Variants in STXBP5L observed in about 807,000 individuals in gnomAD.
STXBP5L encodes syntaxin-binding protein 5-like.
STXBP5L carries 65 observed loss-of-function variants against 144.5 expected under a neutral mutation model. The observed-to-expected ratio is 0.45, with a 90% CI of 0.37 to 0.55. The LOEUF is 0.55. STXBP5L is among the 20% of genes least tolerant of loss of function. STXBP5L has a pLI of 0.00. For missense variants in STXBP5L, 1,298 were observed against 1,405.5 expected (o/e 0.92, Z 1.22); for synonymous variants, 505 against 469.6 (o/e 1.08, Z -0.97).
At chr3:120,916,419 G>A (rs1709103896) in intron 2 of STXBP5L, among the ~76,000 whole-genome samples, 2 of 152,014 alleles carry the variant, frequency 1.3e-5, no homozygotes, top group Non-Finnish European at 2.9e-5. Context: ...TCCTGCCTCA[G>A]CTTCCCAAGT....
chr3:120,983,192 G>C (rs968192536), intron 3 of STXBP5L, among the ~76,000 whole-genome samples: 1 of 152,160 alleles, frequency 6.6e-6, no homozygotes, highest in African/African-American at 2.4e-5. Context: ...AGGAGTCTAA[G>C]GGCAGAACAC....
chr3:121,091,309 G>T (rs1371045532), intron 5 of STXBP5L, among the ~76,000 whole-genome samples: 8 of 147,466 alleles, frequency 5.4e-5, no homozygotes, highest in African/African-American at 1.8e-4. Flanking sequence ...TGGGATGGCT[G>T]GGTCAAATGG....
chr3:121,131,981 C>T (rs2045011122), intron 7 of STXBP5L, among the ~76,000 whole-genome samples: 1 of 152,122 alleles, frequency 6.6e-6, no homozygotes, highest in Non-Finnish European at 1.5e-5. Flanking sequence ...GCCATATGGT[C>T]AAGGAGAGAT....
rs1263823591 is a variant in STXBP5L at position 120,909,767 on chromosome 3, G to A, written c.189G>A (p.Lys63=). The change falls in exon 2 of 27, where the codon AAG becomes AAA. Residue 63 remains lysine, a splice_region_variant and synonymous_variant. Coordinates refer to ENST00000471454, the MANE Select transcript of STXBP5L (RefSeq NM_001308330.2). ...CTTCGGAGTATTTCCAGATTTGCAAGGTAAGTTTTGAATTGGCTTAAAGCC... is the reference window on the plus strand; with the variant it reads ...CTTCGGAGTATTTCCAGATTTGCAAAGTAAGTTTTGAATTGGCTTAAAGCC... The part of the protein sequence containing the change: ...TLTSEYFQIC[K]TVRHGFPHQP... 2 of 1,610,500 alleles carry A rather than the reference G, an allele frequency of 1.2e-6. No homozygotes were observed. Among genetic ancestry groups the A allele is most frequent in the African/African-American group, 1.3e-5 (1 of 74,518 alleles).
intron 3 of STXBP5L, among the ~76,000 whole-genome samples, chr3:120,995,901 C>T (rs1307070393): frequency 6.6e-6 from 1 of 152,092 alleles, no homozygotes; most frequent in Non-Finnish European, 1.5e-5. Context: ...CATTTCCTTT[C>T]TGCTGGGGAA....
At chr3:121,252,816 G>A (rs2050069570) in intron 15 of STXBP5L, among the ~76,000 whole-genome samples, 1 of 152,084 alleles carries the variant, frequency 6.6e-6, no homozygotes, top group Non-Finnish European at 1.5e-5. Context: ...CTTTGCTCAG[G>A]GTGTCACAAG....
chr3:121,127,086 A>G (rs2044740723), intron 7 of STXBP5L, among the ~76,000 whole-genome samples: 1 of 151,942 alleles, frequency 6.6e-6, no homozygotes, highest in Non-Finnish European at 1.5e-5. Flanking sequence ...TTCCTACATC[A>G]TCTCAGAACA....
chr3:121,206,861 T>A (rs760389479), intron 10 of STXBP5L, among the ~76,000 whole-genome samples: 9 of 152,156 alleles, frequency 5.9e-5, no homozygotes, highest in Non-Finnish European at 1.2e-4. Flanking sequence ...AAGTTCCTTT[T>A]ACTTGGCAAT....
intron 9 of STXBP5L, among the ~76,000 whole-genome samples, chr3:121,195,318 C>CT (rs1339081073): frequency 1.3e-5 from 2 of 151,972 alleles, no homozygotes; most frequent in African/African-American, 2.4e-5. Context: ...AAAGAAGCTG[C>CT]TTTTTTCCAG....
Position 121,397,995 on chromosome 3 carries a change from C to T in STXBP5L, c.2588-9248C>T, listed in dbSNP as rs561934552. Among the ~76,000 whole-genome samples, 13 of 152,286 alleles carry T rather than the reference C, an allele frequency of 8.5e-5. No homozygotes were observed. The South Asian group carries it at 2.5e-3, about 29-fold the overall frequency. On this transcript the variant is annotated intron_variant, in intron 22 of 26. Coordinates refer to ENST00000471454, the MANE Select transcript of STXBP5L (RefSeq NM_001308330.2). Reference sequence around the variant, plus strand: ...CTGAATAGTTATTTCACAGGTAGGACGTTTATCAGTAATTTGATTTACCCA... The same window carrying T: ...CTGAATAGTTATTTCACAGGTAGGATGTTTATCAGTAATTTGATTTACCCA...
At chr3:121,187,252 G>T (rs550760401) in intron 9 of STXBP5L, among the ~76,000 whole-genome samples, 1 of 152,078 alleles carries the variant, frequency 6.6e-6, no homozygotes, top group African/African-American at 2.4e-5. Flanking sequence ...TCCTTTGTAG[G>T]GACATGGATG....
chr3:121,221,483 T>TTAATATAATTTCATAA (rs2048971663), intron 10 of STXBP5L, among the ~76,000 whole-genome samples: 1 of 151,628 alleles, frequency 6.6e-6, no homozygotes, highest in Non-Finnish European at 1.5e-5. Flanking sequence ...CTTAATATTA[T>TTAATATAATTTCATAA]TATTAATATT....
chr3:121,347,213 G>A (rs186535280), intron 20 of STXBP5L, among the ~76,000 whole-genome samples: 30 of 151,948 alleles, frequency 2.0e-4, no homozygotes, highest in Admixed American at 1.2e-3. Context: ...ATAGGGAATC[G>A]TTTCCCCATT....
intron 5 of STXBP5L, among the ~76,000 whole-genome samples, chr3:121,098,295 T>C (rs1181295294): frequency 6.6e-6 from 1 of 152,146 alleles, no homozygotes; most frequent in African/African-American, 2.4e-5. Context: ...TCTGAAAGCT[T>C]ACAATCATGG....
intron 25 of STXBP5L, among the ~76,000 whole-genome samples, chr3:121,417,882 C>CAGAG (rs147529183): frequency 6.6e-6 from 1 of 151,170 alleles, no homozygotes; most frequent in African/African-American, 2.4e-5. Context: ...TCAGTATTTA[C>CAGAG]AGAGAGAGAG....
intron 9 of STXBP5L, among the ~76,000 whole-genome samples, chr3:121,179,302 T>G (rs1559829880): frequency 6.6e-6 from 1 of 151,112 alleles, no homozygotes; most frequent in Non-Finnish European, 1.5e-5. Flanking sequence ...CACAGAGACT[T>G]TATAACTAAG....
chr3:121,048,207 G>T (rs1576770782), intron 5 of STXBP5L, among the ~76,000 whole-genome samples: 1 of 151,850 alleles, frequency 6.6e-6, no homozygotes, highest in Non-Finnish European at 1.5e-5. Flanking sequence ...GGTTTCTATT[G>T]AAAGGTCCTC....
chr3:120,965,006 A>T (rs1939381054), intron 3 of STXBP5L, among the ~76,000 whole-genome samples: 1 of 152,114 alleles, frequency 6.6e-6, no homozygotes, highest in Non-Finnish European at 1.5e-5. Context: ...TGTTGAATTG[A>T]TCCCTTTACC....
At chr3:121,292,653 T>A (rs2051487706) in intron 19 of STXBP5L, among the ~76,000 whole-genome samples, 1 of 152,080 alleles carries the variant, frequency 6.6e-6, no homozygotes, top group Admixed American at 6.6e-5. Flanking sequence ...TGGCCATCAA[T>A]CAACGAGTGG....
Sources: allele counts gnomAD v4.1 joint callset (sites outside exome capture counted in the v4.1 genomes callset), GRCh38; gene constraint gnomAD v4.1.1; transcripts MANE v1.5; gene names NCBI Gene and HGNC (gene_info 2026-07-23, HGNC 2026-07-21).